SH2D7: variants seen among roughly 807,000 people sequenced by gnomAD.
SH2D7 encodes SH2 domain-containing protein 7.
A neutral mutation model predicts 40.8 loss-of-function variants in SH2D7; 32 were observed. That is an observed-to-expected ratio of 0.78 (90% CI 0.59 to 1.05). The LOEUF is 1.05. Ranked by LOEUF, SH2D7 falls within the 50% of genes least tolerant of loss-of-function variation. The pLI, the probability that SH2D7 is intolerant of heterozygous loss-of-function variation, is 0.00. For synonymous variants in SH2D7, 195 were observed against 221.5 expected (o/e 0.88, Z 1.06); for missense variants, 559 against 566.6 (o/e 0.99, Z 0.14).
At chr15:78,092,554 G>A (rs1460943236), upstream of SH2D7, 5 of 1,536,724 alleles carry the variant, frequency 3.3e-6, no homozygotes, top group Non-Finnish European at 3.5e-6. Context: ...TGCACTGGCT[G>A]CGCTCTGCTT....
rs1352473351 is a variant in SH2D7 at position 78,101,170 on chromosome 15, A to G, written c.917A>G (p.Gln306Arg). The change falls in exon 5 of 6, where the codon CAG becomes CGG. Residue 306 changes from glutamine to arginine, a missense_variant. Coordinates refer to ENST00000328828, the MANE Select transcript of SH2D7 (RefSeq NM_001101404.2). The part of the protein sequence containing the change: ...GPVLSGVSPD[Q>R]GPTESPTSWG... ...GTCCTTTCTGGGGTGAGCCCAGACCAGGGTCCCACAGAGTCTCCCACTTCC... is the reference window on the plus strand; with the variant it reads ...GTCCTTTCTGGGGTGAGCCCAGACCGGGGTCCCACAGAGTCTCCCACTTCC... 3 of 1,576,518 alleles carry G rather than the reference A, an allele frequency of 1.9e-6. No homozygotes were observed. In the South Asian group the frequency reaches 3.5e-5, roughly 19 times the overall value.
intron 2 of SH2D7, among the ~76,000 whole-genome samples, chr15:78,095,974 C>T (rs2073969673): frequency 6.6e-6 from 1 of 152,130 alleles, no homozygotes; most frequent in Non-Finnish European, 1.5e-5. Context: ...TCCCAACTAG[C>T]TGGGACTACA....
intron 4 of SH2D7, among the ~76,000 whole-genome samples, chr15:78,100,562 T>C (rs189388786): frequency 3.3e-5 from 5 of 152,114 alleles, no homozygotes; most frequent in Non-Finnish European, 7.4e-5. Context: ...CTGGGCATGA[T>C]GGTGGGAGCC....
At position 78,100,904 on chromosome 15, in the gene SH2D7, C is replaced by T; in HGVS notation, c.651C>T (p.Pro217=). 6.2e-7 allele frequency: 1 copy of T among 1,613,084 alleles called. No homozygotes were observed. Among genetic ancestry groups the T allele is most frequent in the Non-Finnish European group, 8.5e-7 (1 of 1,179,646 alleles). ...NLSQEESMEA[P]IRVSPLPEKS... is the part of the protein sequence containing the mutation. ...CTCTGTCCCTGTCTCCCCAGGCTCC[C>T]ATCAGAGTGTCTCCACTCCCTGAGA... Residue 217 remains proline, a synonymous_variant, in exon 5 of 6, where the codon CCC becomes CCT. Coordinates refer to ENST00000328828, the MANE Select transcript of SH2D7 (RefSeq NM_001101404.2).
intron 2 of SH2D7, among the ~76,000 whole-genome samples, chr15:78,095,079 C>T (rs903126062): frequency 1.3e-5 from 2 of 152,144 alleles, no homozygotes; most frequent in African/African-American, 4.8e-5. Flanking sequence ...CAGTTCAAAC[C>T]CTTACCTTGA....
At position 78,101,312 on chromosome 15, in the gene SH2D7, C is replaced by T; in HGVS notation, c.1059C>T (p.Phe353=). 2 of 1,613,046 alleles carry T rather than the reference C, an allele frequency of 1.2e-6. No homozygotes were observed. Among genetic ancestry groups the T allele is most frequent in the East Asian group, 4.5e-5 (2 of 44,842 alleles). ...SQGSSADIYE[F]IGTEGLLQEA... ...GCAGCTCTGCAGATATCTATGAGTT[C>T]ATCGGGACAGAAGGCCTCCTGCAAG... is the stretch of plus-strand genomic sequence containing the variant. The change falls in exon 5 of 6, where the codon TTC becomes TTT. Residue 353 remains phenylalanine (F), a synonymous_variant. Transcript: ENST00000328828.
intron 5 of SH2D7, among the ~76,000 whole-genome samples, 175 bp downstream of exon 5, chr15:78,101,733 G>A (rs902618888): frequency 6.6e-6 from 1 of 152,174 alleles, no homozygotes; most frequent in Non-Finnish European, 1.5e-5. Flanking sequence ...GGTGGTGGGA[G>A]AGGCAGCTGC....
chr15:78,096,867 C>T (rs960614316), intron 2 of SH2D7, among the ~76,000 whole-genome samples: 1 of 152,108 alleles, frequency 6.6e-6, no homozygotes, highest in Non-Finnish European at 1.5e-5. Context: ...GTACCCTTGA[C>T]CCATCAACTC....
At position 78,099,841 on chromosome 15, in the gene SH2D7, C is replaced by T. The variant is rs1289697828; in HGVS notation, c.646-1058C>T. On this transcript the variant is annotated intron_variant, in intron 4 of 5. Transcript: ENST00000328828. ...TACCAACCTTGCTCCCACCTCAGGG[C>T]CTCTGCACTGGCTCTACCATCTGCC... Among the ~76,000 whole-genome samples, 3 of 152,014 alleles carry T rather than the reference C, an allele frequency of 2.0e-5. No individual in the cohort carries two copies. The East Asian group carries it at 5.8e-4, about 29-fold the overall frequency.
At chr15:78,097,288 A>C (rs2073979144) in intron 2 of SH2D7, among the ~76,000 whole-genome samples, 1 of 152,238 alleles carries the variant, frequency 6.6e-6, no homozygotes, top group South Asian at 2.1e-4. Flanking sequence ...TGGCAGTTAC[A>C]TGGGAGGGTT....
At chr15:78,101,703 C>A in intron 5 of SH2D7, 145 bp downstream of exon 5, 1 of 1,022,448 alleles carries the variant, frequency 9.8e-7, no homozygotes, top group Non-Finnish European at 1.4e-6. Context: ...TAATATCTGC[C>A]TAGAAGTGGT....
intron 1 of SH2D7, among the ~76,000 whole-genome samples, chr15:78,093,735 A>G (rs1337632660): frequency 6.6e-6 from 1 of 152,238 alleles, no homozygotes; most frequent in African/African-American, 2.4e-5. Flanking sequence ...GGGACTCCCC[A>G]CTAAACCTCA....
intron 2 of SH2D7, among the ~76,000 whole-genome samples, chr15:78,097,238 G>C (rs1471367389): frequency 3.3e-5 from 5 of 152,204 alleles, no homozygotes. Flanking sequence ...GCGCAAGTAG[G>C]TCTTCTGGGG....
chr15:78,103,398 T>C, intron 5 of SH2D7, 67 bp from the exon 6 acceptor site: 1 of 1,540,486 alleles, frequency 6.5e-7, no homozygotes, highest in Non-Finnish European at 8.8e-7. Flanking sequence ...TGAGGGGTCC[T>C]CGGAGCCTGG....
intron 4 of SH2D7, 94 bp downstream of exon 4, chr15:78,098,690 C>A: frequency 7.2e-7 from 1 of 1,398,174 alleles, no homozygotes; most frequent in Non-Finnish European, 9.8e-7. Context: ...AGGCCAGCCA[C>A]TCCCTCCGGC....
At chr15:78,099,070 A>G (rs1018542552) in intron 4 of SH2D7, among the ~76,000 whole-genome samples, 3 of 151,562 alleles carry the variant, frequency 2.0e-5, no homozygotes, top group African/African-American at 7.3e-5. Context: ...CTGGAGTGCA[A>G]TGGTGCAATC....
rs138653275 is a variant in SH2D7, at chr15:78,100,740, T to C, written c.646-159T>C. On this transcript the variant is annotated intron_variant, in intron 4 of 5. Coordinates refer to ENST00000328828, the MANE Select transcript of SH2D7 (RefSeq NM_001101404.2). Reference sequence around the variant, plus strand: ...AGAACAAGTTCTAGAGCATGAGCGCTGGAAGGGACCCTGAGTGTCATGTAT... The same window carrying C: ...AGAACAAGTTCTAGAGCATGAGCGCCGGAAGGGACCCTGAGTGTCATGTAT... Among the ~76,000 whole-genome samples the C allele has an allele frequency of 7.3e-4, 111 of 152,278 alleles. 1 individual carries two copies. In the East Asian group the frequency reaches 0.019, roughly 26 times the overall value.
intron 2 of SH2D7, among the ~76,000 whole-genome samples, chr15:78,097,686 C>G (rs1286184314): frequency 1.3e-5 from 2 of 152,170 alleles, no homozygotes; most frequent in African/African-American, 2.4e-5. Flanking sequence ...CTCCCTGACT[C>G]CACCAGAGCA....
chr15:78,094,765 GGA>G (rs2073960133), intron 2 of SH2D7, among the ~76,000 whole-genome samples: 3 of 152,180 alleles, frequency 2.0e-5, no homozygotes, highest in African/African-American at 7.2e-5. Context: ...GGCAGCCTAT[GGA>G]GAGAGGACTG....
Sources: gnomAD v4.1 joint callset for allele counts (sites outside exome capture counted in the v4.1 genomes callset) on GRCh38, gnomAD v4.1.1 for gene constraint, MANE v1.5 for transcripts, NCBI Gene and HGNC (gene_info 2026-07-23, HGNC 2026-07-21) for gene names.